KCTD1: variants seen among roughly 807,000 people sequenced by gnomAD.
KCTD1 encodes BTB/POZ domain-containing protein KCTD1.
KCTD1 carries 24 observed loss-of-function variants against 66.0 expected under a neutral mutation model. The ratio of observed to expected loss-of-function variants is 0.36; its 90% CI spans 0.26 to 0.51. The LOEUF (loss-of-function observed/expected upper bound fraction) is 0.51. Among genes scored for constraint, KCTD1 ranks in the 20% least tolerant of loss-of-function variants. The pLI, the probability that KCTD1 is intolerant of heterozygous loss-of-function variation, is 0.95. For missense variants in KCTD1, 943 were observed against 1,205.2 expected, an observed-to-expected ratio of 0.78 and a Z score of 3.22; for synonymous variants, 511 against 517.2, an observed-to-expected ratio of 0.99 and a Z score of 0.16.
intron 1 of KCTD1, among the ~76,000 whole-genome samples, chr18:26,569,535 GA>G (rs547631283): frequency 1.1e-3 from 156 of 147,972 alleles, no homozygotes; most frequent in African/African-American, 3.7e-3. Flanking sequence ...CAGGCTGTCA[GA>G]TTCTTCTTGC....
chr18:26,549,891 G>T, upstream of KCTD1: 1 of 811,870 alleles, frequency 1.2e-6, no homozygotes, highest in Non-Finnish European at 1.5e-6. Flanking sequence ...CGCCCCCGGC[G>T]CGCCCAGGCT....
chr18:26,459,302 T>C (rs1369920764), intron 4 of KCTD1: 11 of 278,422 alleles, frequency 4.0e-5, no homozygotes, highest in African/African-American at 2.2e-4. Flanking sequence ...TTGCCCAGGC[T>C]GAACCTGAAC....
chr18:26,461,424 C>T (rs1045877197), intron 3 of KCTD1, among the ~76,000 whole-genome samples: 1 of 152,226 alleles, frequency 6.6e-6, no homozygotes, highest in Non-Finnish European at 1.5e-5. Context: ...GAAAGGAGCC[C>T]ACTGCTCTGA....
Position 26,560,711 on chromosome 18 carries a change from T to C in KCTD1, c.-15-59461A>G, listed in dbSNP as rs572940065. ...AATTGTATGCAAAATGTTCTGTATA[T>C]GTACATCTGTGTATTTTTCTAGAAT... On this transcript the variant is annotated intron_variant, in intron 1 of 4. Coordinates refer to the KCTD1 transcript ENST00000317932. 2.0e-5 allele frequency among the ~76,000 whole-genome samples: 3 copies of C among 152,382 alleles called. No homozygotes were observed. In the South Asian group the frequency reaches 6.2e-4, roughly 32 times the overall value.
intron 1 of KCTD1, among the ~76,000 whole-genome samples, chr18:26,505,758 T>C (rs965138438): frequency 2.0e-5 from 3 of 152,280 alleles, no homozygotes; most frequent in African/African-American, 2.4e-5. Context: ...AGGGTCTTGC[T>C]ATGTTGCTCA....
rs138022523 is a variant in KCTD1 at position 26,511,755 on chromosome 18, A to G, written c.1810-10505T>C. ...CCACTCTCTTATTACTAGGCTATAC[A>G]TGCTCTGACATTCCCTGGAGGAGGG... On this transcript the variant is annotated intron_variant, in intron 1 of 4. Transcript: ENST00000580059. 2.4e-4 allele frequency among the ~76,000 whole-genome samples: 36 copies of G among 152,296 alleles called. No individual in the cohort carries two copies. The East Asian group carries it at 5.6e-3, about 24-fold the overall frequency.
At chr18:26,568,790 G>A (rs1366569848) in intron 1 of KCTD1, among the ~76,000 whole-genome samples, 1 of 152,176 alleles carries the variant, frequency 6.6e-6, no homozygotes, top group East Asian at 1.9e-4. Flanking sequence ...TACATTGCAA[G>A]CAAAACACTG....
upstream of KCTD1, among the ~76,000 whole-genome samples, chr18:26,553,334 A>G (rs1353406088): frequency 1.3e-5 from 2 of 152,226 alleles, no homozygotes; most frequent in Non-Finnish European, 2.9e-5. Context: ...AACCCATGTC[A>G]TCTAAGTTGA....
chr18:26,465,016 CTG>C (rs1193284713), intron 3 of KCTD1, among the ~76,000 whole-genome samples: 1 of 152,178 alleles, frequency 6.6e-6, no homozygotes, highest in East Asian at 1.9e-4. Context: ...GGAGTGGCCA[CTG>C]CAGTTTTTTC....
chr18:26,627,262 T>TTGTG (rs59902249), intron 1 of KCTD1, among the ~76,000 whole-genome samples: 2,673 of 145,982 alleles, frequency 0.018, 34 homozygotes, highest in African/African-American at 0.026. Flanking sequence ...CTTCTGGGTT[T>TTGTG]TGTGTGTGTG....
chr18:26,500,966 T>A, intron 2 of KCTD1, 106 bp downstream of exon 2: 3 of 1,284,580 alleles, frequency 2.3e-6, no homozygotes, highest in Non-Finnish European at 3.3e-6. Flanking sequence ...CACTTTCACA[T>A]CCTGCCCCCT....
chr18:26,490,460 C>T (rs187595727), intron 2 of KCTD1, among the ~76,000 whole-genome samples: 1 of 152,298 alleles, frequency 6.6e-6, no homozygotes, highest in East Asian at 1.9e-4. Flanking sequence ...GATAGCGAGA[C>T]TAGAAAATTC....
At chr18:26,552,987 C>CTTTTTTTTTTT (rs773910506), upstream of KCTD1, among the ~76,000 whole-genome samples, 19 of 137,184 alleles carry the variant, frequency 1.4e-4, no homozygotes, top group African/African-American at 2.1e-4. Flanking sequence ...CTTTTTCTTT[C>CTTTTTTTTTTT]TTTTTTTTTT....
chr18:26,583,920 C>T (rs1438703377), intron 1 of KCTD1, among the ~76,000 whole-genome samples: 1 of 152,212 alleles, frequency 6.6e-6, no homozygotes, highest in Non-Finnish European at 1.5e-5. Context: ...CCCAGCTTCC[C>T]TGTAAATGAA....
At chr18:26,635,474 C>T (rs1053552891) in intron 1 of KCTD1, among the ~76,000 whole-genome samples, 2 of 152,246 alleles carry the variant, frequency 1.3e-5, no homozygotes, top group African/African-American at 4.8e-5. Flanking sequence ...ACACCCATGG[C>T]TGGAAAATCG....
At chr18:26,646,461 A>T (rs1168283126) in intron 1 of KCTD1, among the ~76,000 whole-genome samples, 4 of 152,380 alleles carry the variant, frequency 2.6e-5, no homozygotes, top group Middle Eastern at 3.4e-3. Context: ...AACCAAACTT[A>T]TCAGAAGATA....
intron 1 of KCTD1, chr18:26,545,354 G>A (rs1406992355): frequency 2.0e-5 from 3 of 152,152 alleles, no homozygotes; most frequent in African/African-American, 7.2e-5. Flanking sequence ...AACACAACCT[G>A]TCAGAAATAG....
chr18:26,497,519 C>T (rs1163488434), intron 2 of KCTD1, among the ~76,000 whole-genome samples: 8 of 152,284 alleles, frequency 5.3e-5, no homozygotes, highest in Non-Finnish European at 8.8e-5. Context: ...GAGCACCCGA[C>T]GCTATGGGAA....
chr18:26,570,191 A>ATAT (rs1555643816), intron 1 of KCTD1, among the ~76,000 whole-genome samples: 4 of 132,550 alleles, frequency 3.0e-5, no homozygotes, highest in African/African-American at 1.1e-4. Context: ...ATCTAAAAAA[A>ATAT]ATATATATAT....
Sources: allele counts gnomAD v4.1 joint callset (sites outside exome capture counted in the v4.1 genomes callset), GRCh38; gene constraint gnomAD v4.1.1; transcripts MANE v1.5; gene names NCBI Gene and HGNC (gene_info 2026-07-23, HGNC 2026-07-21).